COL10A1: variants seen among roughly 807,000 people sequenced by gnomAD.
COL10A1 encodes the protein collagen type X alpha 1 chain.
In COL10A1, 10 loss-of-function variants were observed where a neutral mutation model predicts 18.2. The observed-to-expected ratio is 0.55, with a 90% CI of 0.34 to 0.93. COL10A1 has a LOEUF of 0.93. COL10A1 is among the 40% of genes least tolerant of loss of function. COL10A1 has a pLI of 0.02. For missense variants in COL10A1, 897 were observed against 853.5 expected, an observed-to-expected ratio of 1.05 and a Z score of -0.64; for synonymous variants, 330 against 316.6, an observed-to-expected ratio of 1.04 and a Z score of -0.45.
chr6:116,135,987 T>G (rs953505196), intron 1 of COL10A1, among the ~76,000 whole-genome samples: 1 of 151,804 alleles, frequency 6.6e-6, no homozygotes, highest in Non-Finnish European at 1.5e-5. Context: ...AAGTATATGA[T>G]ACAGTATCTC....
At chr6:116,174,691 T>G in the COL10A1 span, among the ~76,000 whole-genome samples, 2 of 152,186 alleles carry the variant, frequency 1.3e-5, no homozygotes, top group Admixed American at 1.3e-4. Context: ...TACAGGTACT[T>G]GTTTTCTCTC....
the COL10A1 span, among the ~76,000 whole-genome samples, chr6:116,170,424 A>G: frequency 1.3e-5 from 2 of 151,952 alleles, no homozygotes; most frequent in Non-Finnish European, 1.5e-5. Context: ...GCCACCATTT[A>G]TTTTTTCCAA....
upstream of COL10A1, among the ~76,000 whole-genome samples, chr6:116,126,493 G>T (rs1191805693): frequency 6.6e-6 from 1 of 152,098 alleles, no homozygotes; most frequent in Non-Finnish European, 1.5e-5. Context: ...ATATGTGGTA[G>T]TACATAAAAG....
At chr6:116,192,082 G>A in the COL10A1 span, among the ~76,000 whole-genome samples, 1 of 151,986 alleles carries the variant, frequency 6.6e-6, no homozygotes, top group African/African-American at 2.4e-5. Context: ...TTAATATCAT[G>A]ATTAAGAATT....
At chr6:116,177,680 G>C in the COL10A1 span, among the ~76,000 whole-genome samples, 2 of 152,080 alleles carry the variant, frequency 1.3e-5, no homozygotes, top group Non-Finnish European at 2.9e-5. Context: ...AAGAGATAAT[G>C]TATCAAAATA....
upstream of COL10A1, among the ~76,000 whole-genome samples, chr6:116,128,082 A>C (rs150922286): frequency 6.6e-6 from 1 of 152,096 alleles, no homozygotes; most frequent in Non-Finnish European, 1.5e-5. Flanking sequence ...TATTAGAGAC[A>C]CAAAAAAATC....
At chr6:116,179,597 T>A in the COL10A1 span, among the ~76,000 whole-genome samples, 1 of 152,188 alleles carries the variant, frequency 6.6e-6, no homozygotes, top group Admixed American at 6.5e-5. Flanking sequence ...TTTTTAAAAA[T>A]TAACCTACTG....
chr6:116,206,271 C>T, the COL10A1 span, among the ~76,000 whole-genome samples: 4 of 151,970 alleles, frequency 2.6e-5, no homozygotes, highest in Admixed American at 1.3e-4. Flanking sequence ...AAAAATAGCT[C>T]TAACACAAAA....
At chr6:116,169,064 C>T in the COL10A1 span, among the ~76,000 whole-genome samples, 2 of 152,172 alleles carry the variant, frequency 1.3e-5, no homozygotes, top group Non-Finnish European at 1.5e-5. Flanking sequence ...TCCTCCAAGC[C>T]TCTTGAAGAT....
At chr6:116,132,711 C>T (rs1270883764) in intron 1 of COL10A1, among the ~76,000 whole-genome samples, 1 of 152,114 alleles carries the variant, frequency 6.6e-6, no homozygotes, top group Non-Finnish European at 1.5e-5. Context: ...ACACCAGCGA[C>T]TGGGCTAATG....
At chr6:116,161,188 T>C (rs1466743481), upstream of COL10A1, among the ~76,000 whole-genome samples, 1 of 106,260 alleles carries the variant, frequency 9.4e-6, no homozygotes, top group African/African-American at 3.7e-5. Flanking sequence ...CTGGGGACTG[T>C]TGTGGGGTGG....
At chr6:116,170,695 T>C in the COL10A1 span, among the ~76,000 whole-genome samples, 3 of 152,370 alleles carry the variant, frequency 2.0e-5, no homozygotes, top group Non-Finnish European at 2.9e-5. Flanking sequence ...TGGCTGTTGC[T>C]GTACCTCCCT....
chr6:116,162,206 A>G (rs2114429380), upstream of COL10A1, among the ~76,000 whole-genome samples: 1 of 152,254 alleles, frequency 6.6e-6, no homozygotes, highest in South Asian at 2.1e-4. Flanking sequence ...TAAATGTAAG[A>G]TTATGTCCTC....
intron 1 of COL10A1, among the ~76,000 whole-genome samples, chr6:116,138,940 G>A (rs1285270235): frequency 6.6e-6 from 1 of 151,996 alleles, no homozygotes; most frequent in Non-Finnish European, 1.5e-5. Context: ...GTTTATAATT[G>A]CATTATTAGT....
the COL10A1 span, among the ~76,000 whole-genome samples, chr6:116,168,442 CT>C: frequency 1.6e-4 from 24 of 151,782 alleles, no homozygotes; most frequent in Non-Finnish European, 3.2e-4. Flanking sequence ...CCATTTAGTT[CT>C]TTTTCTATTT....
chr6:116,166,588 T>C, the COL10A1 span, among the ~76,000 whole-genome samples: 1 of 152,188 alleles, frequency 6.6e-6, no homozygotes, highest in Non-Finnish European at 1.5e-5. Flanking sequence ...ATTTACCCAG[T>C]TTCCCAGATA....
chr6:116,158,328 C>T (rs1253767678), intron 1 of COL10A1, among the ~76,000 whole-genome samples: 12 of 151,884 alleles, frequency 7.9e-5, no homozygotes, highest in Non-Finnish European at 5.9e-5. Context: ...ATGCTTTCCT[C>T]CTTCTGTTTA....
At chr6:116,200,916 C>A in the COL10A1 span, among the ~76,000 whole-genome samples, 32 of 151,998 alleles carry the variant, frequency 2.1e-4, no homozygotes, top group African/African-American at 7.7e-4. Flanking sequence ...AATACAGCTG[C>A]CTTACAACTT....
chr6:116,200,282 CAA>C, the COL10A1 span, among the ~76,000 whole-genome samples: 1 of 152,000 alleles, frequency 6.6e-6, no homozygotes, highest in South Asian at 2.1e-4. Context: ...ATGTCACGGT[CAA>C]GAGTAACCTA....
Sources: allele counts gnomAD v4.1 joint callset (sites outside exome capture counted in the v4.1 genomes callset), GRCh38; gene constraint gnomAD v4.1.1; transcripts MANE v1.5; gene names NCBI Gene and HGNC (gene_info 2026-07-23, HGNC 2026-07-21).